The following DOCK4 variants were observed in gnomAD, a reference collection of about 807,000 sequenced individuals.
DOCK4 encodes dedicator of cytokinesis protein 4.
Under a neutral mutation model 268.1 loss-of-function variants are expected in DOCK4, and 97 were observed. The ratio of observed to expected loss-of-function variants is 0.36; its 90% CI spans 0.31 to 0.43. The LOEUF is 0.43. Ranked by LOEUF, DOCK4 falls within the 20% of genes least tolerant of loss-of-function variation. The pLI, the probability that DOCK4 is intolerant of heterozygous loss-of-function variation, is 1.00. For missense variants in DOCK4, 2,145 were observed against 2,455.7 expected (o/e 0.87, Z 2.67); for synonymous variants, 954 against 887.2 (o/e 1.08, Z -1.34).
At chr7:111,940,488 G>C (rs74432546) in intron 10 of DOCK4, among the ~76,000 whole-genome samples, 1 of 152,150 alleles carries the variant, frequency 6.6e-6, no homozygotes, top group African/African-American at 2.4e-5. Flanking sequence ...TACAAAGACT[G>C]GAACAGATCC....
intron 30 of DOCK4, among the ~76,000 whole-genome samples, chr7:111,791,295 A>ACACACACACACACACACACC (rs1799527843): frequency 6.6e-6 from 1 of 150,946 alleles, no homozygotes; most frequent in African/African-American, 2.4e-5. Context: ...ACACACACAC[A>ACACACACACACACACACACC]CACACACACA....
intron 1 of DOCK4, among the ~76,000 whole-genome samples, chr7:112,064,337 C>T (rs1275902755): frequency 6.6e-6 from 1 of 152,164 alleles, no homozygotes; most frequent in African/African-American, 2.4e-5. Flanking sequence ...CCCACTTAAG[C>T]CACCTAGGAT....
intron 35 of DOCK4, among the ~76,000 whole-genome samples, chr7:111,779,592 C>T (rs1276148744): frequency 6.6e-6 from 1 of 152,068 alleles, no homozygotes; most frequent in East Asian, 1.9e-4. Context: ...GGGGTTTTGC[C>T]ATGATGCCCA....
At chr7:112,148,520 GAAT>G (rs1815731674) in intron 1 of DOCK4, among the ~76,000 whole-genome samples, 1 of 151,938 alleles carries the variant, frequency 6.6e-6, no homozygotes, top group African/African-American at 2.4e-5. Flanking sequence ...TAATAACACT[GAAT>G]AATAGGACTA....
chr7:112,203,826 TACACACAC>T (rs3056587), intron 1 of DOCK4, among the ~76,000 whole-genome samples: 8,093 of 146,276 alleles, frequency 0.055, 391 homozygotes, highest in African/African-American at 0.13. Context: ...AAAATTTCAC[TACACACAC>T]ACACACACAC....
At position 111,808,897 on chromosome 7, in the gene DOCK4, A is replaced by C; in HGVS notation, c.3108-18T>G. The C allele has an allele frequency of 6.2e-7, 1 of 1,611,118 alleles. No homozygotes were observed. The highest frequency in any genetic ancestry group is 1.1e-5 in the South Asian group (1 of 90,274). On this transcript the variant is annotated intron_variant, in intron 29 of 52. Transcript: ENST00000428084. ...CACCATACCTGAAATAGAACAAAAA[A>C]CCAAACCTGATACAATGCCTCCAGA...
At chr7:112,049,274 T>C (rs1464712810) in intron 1 of DOCK4, among the ~76,000 whole-genome samples, 2 of 152,174 alleles carry the variant, frequency 1.3e-5, no homozygotes, top group African/African-American at 4.8e-5. Context: ...AATGGAAGTA[T>C]ATTATTGTAA....
chr7:111,869,506 C>A, intron 21 of DOCK4, 68 bp downstream of exon 21: 1 of 1,385,902 alleles, frequency 7.2e-7, no homozygotes, highest in South Asian at 1.2e-5. Flanking sequence ...GTAGAGGAAC[C>A]AATTAGTTTA....
At chr7:111,993,052 T>C (rs910031816) in intron 5 of DOCK4, among the ~76,000 whole-genome samples, 4 of 152,348 alleles carry the variant, frequency 2.6e-5, no homozygotes, top group African/African-American at 9.6e-5. Flanking sequence ...CTTGTGGATT[T>C]TCATAGTGAG....
At chr7:112,053,379 A>C (rs1805537266) in intron 1 of DOCK4, among the ~76,000 whole-genome samples, 1 of 152,152 alleles carries the variant, frequency 6.6e-6, no homozygotes, top group Non-Finnish European at 1.5e-5. Context: ...CATTTTTGTG[A>C]CTCAGTGCAT....
At chr7:111,840,837 C>T in intron 25 of DOCK4, 1 of 1,351,088 alleles carries the variant, frequency 7.4e-7, no homozygotes, top group Non-Finnish European at 9.8e-7. Flanking sequence ...GTAGTACTGC[C>T]ATGTGAAGAC....
intron 1 of DOCK4, among the ~76,000 whole-genome samples, chr7:112,084,673 T>C (rs187213545): frequency 1.2e-4 from 18 of 152,246 alleles, no homozygotes; most frequent in African/African-American, 2.4e-5. Flanking sequence ...AAGACATGCA[T>C]AATGAAAACG....
chr7:111,895,528 T>C (rs1808673334), intron 16 of DOCK4, 84 bp downstream of exon 16: 1 of 1,161,754 alleles, frequency 8.6e-7, no homozygotes, highest in African/African-American at 1.5e-5. Context: ...AGTCATTTTT[T>C]TCTCTTTTCA....
intron 1 of DOCK4, among the ~76,000 whole-genome samples, chr7:112,203,298 T>C (rs1262490449): frequency 6.6e-6 from 1 of 152,222 alleles, no homozygotes; most frequent in East Asian, 1.9e-4. Flanking sequence ...TTCATCACTA[T>C]ACCTTTTCCT....
At chr7:112,119,953 T>C (rs145921535) in intron 1 of DOCK4, among the ~76,000 whole-genome samples, 5,532 of 151,746 alleles carry the variant, frequency 0.036, 227 homozygotes, top group East Asian at 0.2. Flanking sequence ...GTTCACACCA[T>C]TCTCCTGCCT....
In DOCK4 at chr7:111,747,567, G is replaced by A. The variant is rs60832841; in HGVS notation, c.4417-124C>T. ...TGGCTTCCATCAATATCTCTACCAG[G>A]GGCCATTCCGTAGAATAGACAAGGA... is the stretch of plus-strand genomic sequence containing the variant. On this transcript the variant is annotated intron_variant, in intron 42 of 52. Transcript: ENST00000428084. 1,455 of 913,100 alleles carry A rather than the reference G, an allele frequency of 1.6e-3. 17 individuals carry two copies. In the African/African-American group the frequency reaches 0.023, roughly 14 times the overall value. 56.6% of individuals were successfully genotyped at this position (913,100 alleles called of 1,614,324 possible).
intron 1 of DOCK4, among the ~76,000 whole-genome samples, chr7:112,037,733 G>A (rs1803943069): frequency 6.6e-6 from 1 of 151,950 alleles, no homozygotes; most frequent in African/African-American, 2.4e-5. Flanking sequence ...ACTTTTTTGT[G>A]GACATAGGTT....
At chr7:112,191,343 ACT>A (rs1447664639) in intron 1 of DOCK4, among the ~76,000 whole-genome samples, 1 of 151,928 alleles carries the variant, frequency 6.6e-6, no homozygotes, top group African/African-American at 2.4e-5. Context: ...GTCACTCAGC[ACT>A]GTTTGGTCCT....
In DOCK4 at chr7:111,916,001, G is replaced by A. The variant is rs1197628068; in HGVS notation, c.1067-97C>T. The A allele has an allele frequency of 3.1e-6, 4 of 1,307,254 alleles. No individual in the cohort carries two copies. In the African/African-American group the frequency reaches 4.5e-5, roughly 15 times the overall value. 81.0% of individuals were successfully genotyped at this position (1,307,254 alleles called of 1,614,324 possible). A position where few individuals can be genotyped will look rare whatever the true frequency, so the allele number is the denominator to read the frequency against. On this transcript the variant is annotated intron_variant, in intron 12 of 52. Transcript: ENST00000428084. Reference sequence around the variant, plus strand: ...ACAAGCCCAAATTTAGAATATCATGGTTTTAAACTAAGGGTTAATATTCCG... The same window carrying A: ...ACAAGCCCAAATTTAGAATATCATGATTTTAAACTAAGGGTTAATATTCCG...
Sources: allele counts gnomAD v4.1 joint callset (sites outside exome capture counted in the v4.1 genomes callset), GRCh38; gene constraint gnomAD v4.1.1; transcripts MANE v1.5; gene names NCBI Gene and HGNC (gene_info 2026-07-23, HGNC 2026-07-21).